DAPK1: variants seen among roughly 807,000 people sequenced by gnomAD.
DAPK1 encodes death-associated protein kinase 1.
In DAPK1, 56 loss-of-function variants were observed where a neutral mutation model predicts 144.9. The observed-to-expected ratio is 0.39, with a 90% confidence interval of 0.31 to 0.48. DAPK1 has a LOEUF of 0.48. DAPK1 is among the 20% of genes least tolerant of loss of function. DAPK1 has a pLI of 0.95. For synonymous variants in DAPK1, 690 were observed against 749.0 expected, an observed-to-expected ratio of 0.92 and a Z score of 1.29; for missense variants, 1,454 against 1,875.4, an observed-to-expected ratio of 0.78 and a Z score of 4.15.
intron 24 of DAPK1, among the ~76,000 whole-genome samples, chr9:87,702,664 G>T (rs1825495025): frequency 6.6e-6 from 1 of 152,112 alleles, no homozygotes; most frequent in Admixed American, 6.5e-5. Context: ...GAACTAAAGA[G>T]CCTTTATAAA....
chr9:87,503,762 T>C (rs534978223), intron 2 of DAPK1, among the ~76,000 whole-genome samples: 3 of 152,332 alleles, frequency 2.0e-5, no homozygotes, highest in South Asian at 4.1e-4. Context: ...TAAAAACTGC[T>C]CTTGTTTTTG....
At chr9:87,658,579 A>T (rs182454220) in intron 18 of DAPK1, among the ~76,000 whole-genome samples, 1 of 152,246 alleles carries the variant, frequency 6.6e-6, no homozygotes, top group East Asian at 1.9e-4. Context: ...CGTAAGCAGG[A>T]GTTGCTTAAA....
At chr9:87,641,244 C>CA (rs1830082930) in intron 9 of DAPK1, among the ~76,000 whole-genome samples, 2 of 152,184 alleles carry the variant, frequency 1.3e-5, no homozygotes, top group South Asian at 2.1e-4. Flanking sequence ...TCCACGTGGC[C>CA]TTGGGAAGTG....
chr9:87,629,067 G>C (rs981079154), intron 3 of DAPK1, among the ~76,000 whole-genome samples: 4 of 152,124 alleles, frequency 2.6e-5, no homozygotes, highest in African/African-American at 9.7e-5. Context: ...TAACCTCCAG[G>C]ACCTCAGAAT....
intron 3 of DAPK1, among the ~76,000 whole-genome samples, chr9:87,617,980 T>C (rs1279532473): frequency 1.3e-5 from 2 of 152,208 alleles, no homozygotes; most frequent in African/African-American, 4.8e-5. Context: ...CGTGATGTCC[T>C]GCAGGCTCTG....
intron 2 of DAPK1, among the ~76,000 whole-genome samples, chr9:87,548,113 A>G (rs1054964660): frequency 6.6e-6 from 1 of 152,214 alleles, no homozygotes. Context: ...GGCAGCAATA[A>G]TGCAGCACAA....
At chr9:87,628,743 T>C (rs1240679522) in intron 3 of DAPK1, among the ~76,000 whole-genome samples, 1 of 152,198 alleles carries the variant, frequency 6.6e-6, no homozygotes, top group African/African-American at 2.4e-5. Context: ...GGAGGAATCA[T>C]CTCAAAATGC....
intron 2 of DAPK1, among the ~76,000 whole-genome samples, chr9:87,522,326 G>A (rs967464765): frequency 5.9e-5 from 9 of 152,300 alleles, no homozygotes; most frequent in Admixed American, 3.9e-4. Flanking sequence ...GTTCCTTCTA[G>A]TGAGTCTTGA....
At chr9:87,616,177 G>C (rs1389901199) in intron 3 of DAPK1, among the ~76,000 whole-genome samples, 1 of 152,230 alleles carries the variant, frequency 6.6e-6, no homozygotes, top group Non-Finnish European at 1.5e-5. Context: ...CATGAAGTTG[G>C]GGGTGGGCAG....
chr9:87,706,859 T>C lies in DAPK1; in HGVS notation c.3788T>C (p.Leu1263Pro). The part of the protein sequence containing the change: ...QPRDFFRAQT[L>P]KETSLTNTMG... ...CGGGACTTCTTCCGGGCACAGACTCTGAAGGAAACCTCACTGACCAACACC... is the reference window on the plus strand; with the variant it reads ...CGGGACTTCTTCCGGGCACAGACTCCGAAGGAAACCTCACTGACCAACACC... The change falls in exon 26 of 26, where the codon CTG becomes CCG. Residue 1263 changes from leucine to proline, a missense_variant. Transcript: ENST00000408954. This position sits in a 1 kb window ranked among gnomAD's most constrained non-coding sequence, Gnocchi z 9.0. 6.2e-7 allele frequency: 1 copy of C among 1,613,962 alleles called. No individual in the cohort carries two copies. The highest frequency in any genetic ancestry group is 1.6e-4 in the Middle Eastern group (1 of 6,062).
chr9:87,702,667 T>C (rs1825495194), intron 24 of DAPK1, among the ~76,000 whole-genome samples: 1 of 152,160 alleles, frequency 6.6e-6, no homozygotes, highest in Non-Finnish European at 1.5e-5. Flanking sequence ...CTAAAGAGCC[T>C]TTATAAAACT....
chr9:87,706,992 C>T lies in DAPK1; in HGVS notation c.3921C>T (p.Leu1307=), dbSNP rs1343715524. ...ACATCCATGCATCAGACCTGAACCTCCTCACTCGGAGGAAACTGAGTCGCC... is the reference window on the plus strand; with the variant it reads ...ACATCCATGCATCAGACCTGAACCTTCTCACTCGGAGGAAACTGAGTCGCC... The part of the protein sequence containing the change: ...GMDIHASDLN[L]LTRRKLSRLL... Residue 1307 remains leucine, a synonymous_variant, in exon 26 of 26, where the codon CTC becomes CTT. Transcript: ENST00000408954. The surrounding 1 kb of genome is among the most constrained non-coding windows in gnomAD (Gnocchi z 9.0). The T allele has an allele frequency of 2.5e-6, 4 of 1,613,530 alleles. No homozygotes were observed. Among genetic ancestry groups the T allele is most frequent in the Non-Finnish European group, 3.4e-6 (4 of 1,179,982 alleles).
Position 87,648,876 on chromosome 9 carries a change from C to T in DAPK1, c.1425C>T (p.Asp475=), listed in dbSNP as rs770717780. Residue 475 remains aspartate, a synonymous_variant, in exon 15 of 26, where the codon GAC becomes GAT. Coordinates refer to ENST00000408954, the MANE Select transcript of DAPK1 (RefSeq NM_004938.4). ...CSFGSNPNIQ[D]KEEETPLHCA... ...TCGGCTCAAATCCCAATATCCAGGA[C>T]AAGGTGGGTCGTGACTGACATCCTC... 1.9e-6 allele frequency: 3 copies of T among 1,613,700 alleles called. No homozygotes were observed. The African/African-American group carries it at 4.0e-5, about 22-fold the overall frequency.
chr9:87,521,620 A>G (rs1825301294), intron 2 of DAPK1, among the ~76,000 whole-genome samples: 1 of 152,244 alleles, frequency 6.6e-6, no homozygotes, highest in South Asian at 2.1e-4. Context: ...TGTGGTACAA[A>G]GAAGAGGAGA....
chr9:87,701,315 A>G (rs1160930294), intron 24 of DAPK1, among the ~76,000 whole-genome samples: 1 of 152,254 alleles, frequency 6.6e-6, no homozygotes, highest in Non-Finnish European at 1.5e-5. Context: ...AAGTAAAAAC[A>G]TGAAACAATA....
intron 2 of DAPK1, chr9:87,525,456 G>A (rs534504946): frequency 1.3e-6 from 2 of 1,598,418 alleles, no homozygotes. Context: ...AAGGATATCG[G>A]TTTCATTAAG....
intron 2 of DAPK1, among the ~76,000 whole-genome samples, chr9:87,538,849 A>T (rs1326809343): frequency 6.6e-6 from 1 of 152,072 alleles, no homozygotes; most frequent in Non-Finnish European, 1.5e-5. Context: ...TTGAGTTTTA[A>T]AAATTAAGTG....
At chr9:87,510,710 T>C (rs1284619076) in intron 2 of DAPK1, among the ~76,000 whole-genome samples, 1 of 152,238 alleles carries the variant, frequency 6.6e-6, no homozygotes, top group Non-Finnish European at 1.5e-5. Flanking sequence ...TTCGTTGCCT[T>C]ATAAAGGTAC....
In DAPK1 at chr9:87,561,117, A is replaced by C. The variant is rs144792412; in HGVS notation, c.63-43837A>C. ...TCATTTTCCCCAAAATAAAATATGA[A>C]ATTAAAATAGCGGAACCAATAATAT... On this transcript the variant is annotated intron_variant, in intron 2 of 25. Transcript: ENST00000408954. 2.8e-4 allele frequency among the ~76,000 whole-genome samples: 43 copies of C among 152,300 alleles called. No homozygotes were observed. In the East Asian group the frequency reaches 8.1e-3, roughly 29 times the overall value.
Sources: allele counts gnomAD v4.1 joint callset (sites outside exome capture counted in the v4.1 genomes callset), GRCh38; gene constraint gnomAD v4.1.1; non-coding constraint Gnocchi (gnomAD v3.1); transcripts MANE v1.5; gene names NCBI Gene and HGNC (gene_info 2026-07-23, HGNC 2026-07-21).